Variants in PKIB observed in about 807,000 individuals in gnomAD.
The protein encoded by PKIB is PKI-beta.
In PKIB, 2 loss-of-function variants were observed where a neutral mutation model predicts 4.5. That is an observed-to-expected ratio of 0.44 (90% CI 0.18 to 1.39). The LOEUF (loss-of-function observed/expected upper bound fraction) is 1.39. Ranked by LOEUF, PKIB falls within the 40% of genes most tolerant of loss-of-function variation. The probability of loss-of-function intolerance (pLI) is 0.27; values close to 1 mark genes in which losing one functional copy is unlikely to be tolerated. For synonymous variants in PKIB, 38 were observed against 36.0 expected (o/e 1.06, Z -0.20); for missense variants, 94 against 92.6 (o/e 1.02, Z -0.06).
At chr6:122,495,137 G>C (rs993183870) in intron 2 of PKIB, among the ~76,000 whole-genome samples, 23 of 152,036 alleles carry the variant, frequency 1.5e-4, no homozygotes, top group Non-Finnish European at 3.2e-4. Context: ...CAAACATTTT[G>C]GTTGGTGACA....
chr6:122,615,527 C>T (rs1402118105), intron 1 of PKIB, among the ~76,000 whole-genome samples: 4 of 152,046 alleles, frequency 2.6e-5, no homozygotes, highest in East Asian at 1.9e-4. Flanking sequence ...AAGAATGGGG[C>T]GACTTCATGG....
intron 1 of PKIB, among the ~76,000 whole-genome samples, chr6:122,611,643 T>G (rs1208905507): frequency 6.6e-6 from 1 of 152,234 alleles, no homozygotes; most frequent in African/African-American, 2.4e-5. Context: ...ATCTGTCCAC[T>G]TTATCTCTTC....
At position 122,559,337 on chromosome 6, in the gene PKIB, G is replaced by A; in HGVS notation, c.-247-26584G>A. Among the ~76,000 whole-genome samples the A allele has an allele frequency of 1.3e-5, 2 of 151,552 alleles. 1 individual carries two copies. On this transcript the variant is annotated intron_variant, in intron 2 of 6. Coordinates refer to the PKIB transcript ENST00000392491. ...CCCACTTTATGTTTTTGTCTGCTTT[G>A]TCAAAGAACAGTTGGCTGTATTTGG...
chr6:122,618,042 A>G (rs989743216), intron 1 of PKIB, among the ~76,000 whole-genome samples: 1 of 152,146 alleles, frequency 6.6e-6, no homozygotes, highest in Admixed American at 6.5e-5. Context: ...ATAGTATCCT[A>G]TGAAACAGTT....
At chr6:122,534,562 C>G (rs1291669855) in intron 2 of PKIB, among the ~76,000 whole-genome samples, 1 of 152,170 alleles carries the variant, frequency 6.6e-6, no homozygotes, top group African/African-American at 2.4e-5. Context: ...GGAGGCTACT[C>G]AAGCCCCACC....
chr6:122,684,440 A>G (rs1213907047), intron 3 of PKIB, among the ~76,000 whole-genome samples: 3 of 151,994 alleles, frequency 2.0e-5, no homozygotes, highest in Non-Finnish European at 4.4e-5. Flanking sequence ...TCTCTTTCAC[A>G]TCTACCTTTC....
chr6:122,510,251 A>T (rs1397400857), intron 2 of PKIB, among the ~76,000 whole-genome samples: 8 of 152,138 alleles, frequency 5.3e-5, no homozygotes, highest in Non-Finnish European at 1.2e-4. Context: ...ATAACATTGA[A>T]TAAGTTGGTT....
intron 2 of PKIB, among the ~76,000 whole-genome samples, chr6:122,565,038 A>G (rs1773144171): frequency 6.6e-6 from 1 of 152,186 alleles, no homozygotes; most frequent in Admixed American, 6.5e-5. Context: ...TTAGACCTCA[A>G]TGGCTTACCC....
intron 2 of PKIB, chr6:122,480,741 G>A (rs927353006): frequency 6.6e-5 from 10 of 151,806 alleles, no homozygotes; most frequent in African/African-American, 7.3e-5. Context: ...GTTCATCTCC[G>A]TTTCTTACTG....
intron 2 of PKIB, among the ~76,000 whole-genome samples, chr6:122,495,398 C>T (rs573345829): frequency 6.6e-6 from 1 of 152,246 alleles, no homozygotes; most frequent in East Asian, 1.9e-4. Flanking sequence ...CCAACCCCCA[C>T]AGGCCTGTAA....
intron 1 of PKIB, among the ~76,000 whole-genome samples, chr6:122,626,096 A>G (rs1025481443): frequency 8.6e-5 from 13 of 151,852 alleles, no homozygotes; most frequent in African/African-American, 2.9e-4. Context: ...ATAGATAGAT[A>G]GAGATAGATT....
At chr6:122,531,685 AG>A (rs1370168324) in intron 2 of PKIB, among the ~76,000 whole-genome samples, 2 of 152,122 alleles carry the variant, frequency 1.3e-5, no homozygotes, top group East Asian at 1.9e-4. Context: ...ACTTCTGGTA[AG>A]GGTTTCCTAA....
chr6:122,653,923 A>C (rs1032968015), intron 2 of PKIB, among the ~76,000 whole-genome samples: 3 of 152,068 alleles, frequency 2.0e-5, no homozygotes, highest in Non-Finnish European at 1.5e-5. Flanking sequence ...GCGCCATTAC[A>C]CTCCAGCCTG....
chr6:122,490,761 C>T (rs1039627079), intron 2 of PKIB, among the ~76,000 whole-genome samples: 1 of 152,130 alleles, frequency 6.6e-6, no homozygotes, highest in Non-Finnish European at 1.5e-5. Flanking sequence ...TTTATAAATT[C>T]CTCAGTCTCA....
rs1132630 is a variant in PKIB at position 122,725,687 on chromosome 6, G to A, written c.*492G>A. ...AGTGTGTTTGTTTTTTGCCAAAAAT[G>A]CCCCAGACTTTTTCCCAAACCTCAA... On this transcript the variant is annotated 3_prime_UTR_variant, in exon 5 of 5. Coordinates refer to ENST00000368452, the MANE Select transcript of PKIB (RefSeq NM_181795.3). 63,876 of 151,986 alleles carry A rather than the reference G, an allele frequency of 0.42. 14,914 individuals carry two copies. The highest frequency in any genetic ancestry group is 0.64 in the East Asian group (3,307 of 5,150). 9.4% of individuals were successfully genotyped at this position (151,986 alleles called of 1,614,324 possible).
chr6:122,544,455 C>T (rs1182349362), intron 2 of PKIB, among the ~76,000 whole-genome samples: 3 of 151,948 alleles, frequency 2.0e-5, no homozygotes, highest in Non-Finnish European at 2.9e-5. Flanking sequence ...TGAAAATATG[C>T]AAATTATCTC....
At chr6:122,484,189 A>G (rs1447875124) in intron 2 of PKIB, 2 of 150,166 alleles carry the variant, frequency 1.3e-5, no homozygotes, top group African/African-American at 5.0e-5. Context: ...GGAAAAAAGA[A>G]AAAAAAAACC....
intron 3 of PKIB, among the ~76,000 whole-genome samples, chr6:122,591,902 T>A (rs1582720182): frequency 7.1e-6 from 1 of 141,076 alleles, no homozygotes; most frequent in South Asian, 2.3e-4. Flanking sequence ...TTTTTTTTTT[T>A]AATCATCCAT....
chr6:122,552,563 A>G (rs1772708748), intron 2 of PKIB, among the ~76,000 whole-genome samples: 1 of 151,942 alleles, frequency 6.6e-6, no homozygotes, highest in African/African-American at 2.4e-5. Context: ...TTTTTAGTAG[A>G]GATGGGGTTT....
Sources: gnomAD v4.1 joint callset for allele counts (sites outside exome capture counted in the v4.1 genomes callset) on GRCh38, gnomAD v4.1.1 for gene constraint, MANE v1.5 for transcripts, NCBI Gene and HGNC (gene_info 2026-07-23, HGNC 2026-07-21) for gene names.